TNRC6C: variants seen among roughly 807,000 people sequenced by gnomAD.
TNRC6C encodes the protein trinucleotide repeat containing adaptor 6C.
In TNRC6C, 20 loss-of-function variants were observed where a neutral mutation model predicts 153.7. The ratio of observed to expected loss-of-function variants is 0.13; its 90% CI spans 0.09 to 0.19. The LOEUF (loss-of-function observed/expected upper bound fraction) is 0.19. TNRC6C is among the 10% of genes least tolerant of loss of function. The probability of loss-of-function intolerance (pLI) is 1.00; values close to 1 mark genes in which losing one functional copy is unlikely to be tolerated. For synonymous variants in TNRC6C, 811 were observed against 841.4 expected (o/e 0.96, Z 0.63); for missense variants, 1,987 against 2,172.0 (o/e 0.91, Z 1.69).
At chr17:78,098,067 C>T (rs999334214) in intron 16 of TNRC6C, among the ~76,000 whole-genome samples, 3 of 152,224 alleles carry the variant, frequency 2.0e-5, no homozygotes, top group Non-Finnish European at 4.4e-5. Context: ...GAAGTGGTAA[C>T]GTCTTCTCCA....
intron 9 of TNRC6C, 163 bp downstream of exon 11, chr17:78,077,497 C>T: frequency 1.1e-6 from 1 of 897,216 alleles, no homozygotes; most frequent in Non-Finnish European, 1.7e-6. Context: ...AGGTGACTTA[C>T]TGGAGTCAAG....
At chr17:78,001,942 AAAG>A (rs1385292241), upstream of TNRC6C, among the ~76,000 whole-genome samples, 1 of 152,250 alleles carries the variant, frequency 6.6e-6, no homozygotes, top group African/African-American at 2.4e-5. Context: ...GTAATTTTAA[AAAG>A]AAAAAGTTCT....
At chr17:78,028,660 A>G (rs2071994303) in intron 1 of TNRC6C, among the ~76,000 whole-genome samples, 2 of 147,578 alleles carry the variant, frequency 1.4e-5, no homozygotes, top group Non-Finnish European at 2.9e-5. Context: ...TGGAGCTGAC[A>G]ATGTAAAGGG....
chr17:78,102,677 A>T (rs2073619227), intron 18 of TNRC6C, 133 bp downstream of exon 21: 4 of 823,540 alleles, frequency 4.9e-6, no homozygotes, highest in Non-Finnish European at 5.5e-6. Context: ...GTGACGCTGC[A>T]TGGGAGGAGA....
At chr17:77,959,982 A>C (rs2070848354) in intron 1 of TNRC6C, among the ~76,000 whole-genome samples, 1 of 152,156 alleles carries the variant, frequency 6.6e-6, no homozygotes, top group South Asian at 2.1e-4. Context: ...CTGGGGAAGA[A>C]ATAACTGGCA....
At chr17:77,973,866 T>TTGA (rs2070962203) in intron 1 of TNRC6C, among the ~76,000 whole-genome samples, 1 of 152,186 alleles carries the variant, frequency 6.6e-6, no homozygotes, top group African/African-American at 2.4e-5. Context: ...ACATTCTGTG[T>TTGA]TGATGGATGG....
At chr17:78,041,556 T>C (rs2072295812) in intron 2 of TNRC6C, among the ~76,000 whole-genome samples, 1 of 152,242 alleles carries the variant, frequency 6.6e-6, no homozygotes, top group African/African-American at 2.4e-5. Context: ...TCTTGTACTG[T>C]GTTCTGCGTT....
intron 5 of TNRC6C, among the ~76,000 whole-genome samples, chr17:78,069,831 CGTG>C (rs1329628584): frequency 8.6e-5 from 13 of 151,720 alleles, no homozygotes; most frequent in Admixed American, 4.6e-4. Context: ...AGGAAGAAAA[CGTG>C]TGTGTGTGTA....
chr17:78,003,791 T>A (rs1349621112), upstream of TNRC6C, among the ~76,000 whole-genome samples: 1 of 152,150 alleles, frequency 6.6e-6, no homozygotes, highest in African/African-American at 2.4e-5. Context: ...TGGCCAGGCT[T>A]GGTGCGTCAC....
intron 10 of TNRC6C, among the ~76,000 whole-genome samples, chr17:78,082,100 G>A (rs1241750142): frequency 6.6e-6 from 1 of 151,008 alleles, no homozygotes; most frequent in African/African-American, 2.4e-5. Flanking sequence ...CCAGCAGCCT[G>A]CGGTGCAACA....
chr17:78,050,603 C>T (rs1421371197), exon 3 of TNRC6C: 2 of 1,583,230 alleles, frequency 1.3e-6, no homozygotes, highest in Non-Finnish European at 1.7e-6. Flanking sequence ...AACGCGCCAC[C>T]TGCCGCTGTG....
intron 17 of TNRC6C, 26 bp downstream of exon 20, chr17:78,098,563 G>C (rs372527086): frequency 1.9e-6 from 3 of 1,601,430 alleles, no homozygotes; most frequent in African/African-American, 2.7e-5. Flanking sequence ...CTCGTGTTCC[G>C]ATGGGGGCCT....
intron 1 of TNRC6C, among the ~76,000 whole-genome samples, chr17:78,030,928 A>G (rs573974822): frequency 8.6e-5 from 13 of 151,974 alleles, no homozygotes; most frequent in African/African-American, 2.9e-4. Context: ...GTGAAACCCC[A>G]TCTCTACTAA....
chr17:78,063,049 C>T (rs1314176920), intron 3 of TNRC6C, among the ~76,000 whole-genome samples: 1 of 151,926 alleles, frequency 6.6e-6, no homozygotes, highest in African/African-American at 2.4e-5. Flanking sequence ...AGTTCGAGAC[C>T]AGCCTGGCCA....
At chr17:78,046,236 C>T (rs893754456) in intron 2 of TNRC6C, among the ~76,000 whole-genome samples, 1 of 150,472 alleles carries the variant, frequency 6.6e-6, no homozygotes, top group Non-Finnish European at 1.5e-5. Context: ...GGCTGGAGTG[C>T]AGTGGCACAG....
intron 13 of TNRC6C, among the ~76,000 whole-genome samples, chr17:78,088,145 G>A (rs1397872967): frequency 3.3e-5 from 5 of 152,094 alleles, no homozygotes; most frequent in African/African-American, 1.2e-4. Context: ...GCGGTATATT[G>A]TAATCATATG....
At chr17:78,051,531 G>A (rs4411562) in intron 3 of TNRC6C, 83 bp downstream of exon 5, 138,160 of 1,282,276 alleles carry the variant, frequency 0.11, 8,998 homozygotes, top group African/African-American at 0.23. Context: ...TGAATACTCC[G>A]AGTAGTGTTT....
At chr17:78,055,153 A>G (rs973084353) in intron 3 of TNRC6C, among the ~76,000 whole-genome samples, 1 of 152,266 alleles carries the variant, frequency 6.6e-6, no homozygotes, top group Admixed American at 6.5e-5. Context: ...AGTAACACTT[A>G]GCTTAAAACA....
Position 78,075,346 on chromosome 17 carries a change from C to G in TNRC6C, c.3060+68C>G. On this transcript the variant is annotated intron_variant, in intron 8 of 19. Transcript: ENST00000301624. This position sits in a 1 kb window ranked among gnomAD's most constrained non-coding sequence, Gnocchi z 4.2. ...AGGAGTTTTTCATTTCAACTGTGTC[C>G]TTAATACAAGCCAGATTAAAAACTT... 6.6e-7 allele frequency: 1 copy of G among 1,517,326 alleles called. No individual in the cohort carries two copies. The highest frequency in any genetic ancestry group is 8.9e-7 in the Non-Finnish European group (1 of 1,123,416). 94.0% of individuals were successfully genotyped at this position (1,517,326 alleles called of 1,614,324 possible). A position where few individuals can be genotyped will look rare whatever the true frequency, so the allele number is the denominator to read the frequency against.
Sources: gnomAD v4.1 joint callset for allele counts (sites outside exome capture counted in the v4.1 genomes callset) on GRCh38, gnomAD v4.1.1 for gene constraint, Gnocchi (gnomAD v3.1) non-coding constraint, MANE v1.5 for transcripts, NCBI Gene and HGNC (gene_info 2026-07-23, HGNC 2026-07-21) for gene names.